CELF1: variants seen among roughly 807,000 people sequenced by gnomAD.
The protein encoded by CELF1 is CUGBP Elav-like family member 1.
Under a neutral mutation model 61.8 loss-of-function variants are expected in CELF1, and 10 were observed. That is an observed-to-expected ratio of 0.16 (90% CI 0.10 to 0.27). The LOEUF (loss-of-function observed/expected upper bound fraction) is 0.27. CELF1 is among the 10% of genes least tolerant of loss of function. CELF1 has a pLI of 1.00. For missense variants in CELF1, 380 were observed against 639.1 expected (o/e 0.59, Z 4.37); for synonymous variants, 236 against 225.1 (o/e 1.05, Z -0.43).
chr11:47,489,096 T>C lies in CELF1; in HGVS notation c.72-72A>G, dbSNP rs138507110. ...CCAGAGGAAATTTTCTTTTCTTTAA[T>C]GATCTTAACTAGTTCTGAGAACGTA... is the stretch of plus-strand genomic sequence containing the variant. On this transcript the variant is annotated intron_variant, in intron 3 of 14. Coordinates refer to ENST00000687097, the MANE Select transcript of CELF1 (RefSeq NM_001376376.1). 8.2e-4 allele frequency: 1,041 copies of C among 1,262,508 alleles called. 5 individuals carry two copies. The highest frequency in any genetic ancestry group is 3.9e-4 in the Non-Finnish European group (371 of 951,720). 78.2% of individuals were successfully genotyped at this position (1,262,508 alleles called of 1,614,324 possible).
At chr11:47,512,190 T>G (rs1052632410) in intron 1 of CELF1, among the ~76,000 whole-genome samples, 8 of 151,974 alleles carry the variant, frequency 5.3e-5, no homozygotes, top group African/African-American at 1.9e-4. Context: ...TCCCGCTCTG[T>G]TTCCCAGGCT....
intron 1 of CELF1, among the ~76,000 whole-genome samples, chr11:47,528,832 A>G (rs898176805): frequency 6.6e-6 from 1 of 151,760 alleles, no homozygotes; most frequent in African/African-American, 2.4e-5. Context: ...TCAAGGCTGC[A>G]GTGAGCTATG....
intron 1 of CELF1, among the ~76,000 whole-genome samples, chr11:47,515,912 T>C (rs1030356326): frequency 5.9e-5 from 9 of 151,956 alleles, no homozygotes; most frequent in Non-Finnish European, 1.2e-4. Context: ...CCTCTCTTTA[T>C]TATTTACTTA....
At chr11:47,562,314 C>T (rs1323843459) in intron 2 of CELF1, among the ~76,000 whole-genome samples, 2 of 151,372 alleles carry the variant, frequency 1.3e-5, no homozygotes, top group African/African-American at 4.9e-5. Context: ...TCGCTTGAGT[C>T]CAGGAGTTCG....
rs760769305 is a variant in CELF1, at chr11:47,472,228, G to A, written c.*2C>T. On this transcript the variant is annotated 3_prime_UTR_variant, in exon 15 of 15. Coordinates refer to ENST00000687097, the MANE Select transcript of CELF1 (RefSeq NM_001376376.1). ...TCACTCCAGTCTCAGAGGGGAGCAC[G>A]CTCAGTAGGGCTTGCTGTCATTCTT... 2.1e-5 allele frequency: 34 copies of A among 1,613,592 alleles called. 1 individual carries two copies. The highest frequency in any genetic ancestry group is 4.4e-5 in the South Asian group (4 of 91,070).
At chr11:47,550,522 G>C (rs1021962346) in intron 1 of CELF1, among the ~76,000 whole-genome samples, 3 of 152,078 alleles carry the variant, frequency 2.0e-5, no homozygotes, top group Non-Finnish European at 4.4e-5. Context: ...GCGGGGTTGG[G>C]GGGGACCGGA....
At chr11:47,478,733 G>A in intron 10 of CELF1, 144 bp downstream of exon 10, 1 of 619,340 alleles carries the variant, frequency 1.6e-6, no homozygotes, top group South Asian at 1.7e-5. Context: ...AGAAAATTGA[G>A]TCCTGGGATG....
chr11:47,494,752 C>A (rs1342816391), intron 3 of CELF1, among the ~76,000 whole-genome samples: 1 of 152,298 alleles, frequency 6.6e-6, no homozygotes, highest in South Asian at 2.1e-4. Context: ...AAAACAAAAA[C>A]GGGCCTGGCC....
intron 3 of CELF1, 109 bp from the exon 4 acceptor site, chr11:47,489,133 A>G: frequency 1.0e-6 from 1 of 967,412 alleles, no homozygotes; most frequent in East Asian, 3.1e-5. Flanking sequence ...GGGAAAAAAA[A>G]TCTACTTCTT....
chr11:47,548,292 C>G (rs2097033067), intron 1 of CELF1, among the ~76,000 whole-genome samples: 1 of 151,536 alleles, frequency 6.6e-6, no homozygotes, highest in Non-Finnish European at 1.5e-5. Flanking sequence ...GAGTGAGACT[C>G]CGTCTCAAAA....
At chr11:47,556,218 T>G (rs1206703617), upstream of CELF1, among the ~76,000 whole-genome samples, 2 of 152,218 alleles carry the variant, frequency 1.3e-5, no homozygotes, top group Non-Finnish European at 2.9e-5. Context: ...AGGGTCTTGC[T>G]CTGTCACCCA....
intron 3 of CELF1, among the ~76,000 whole-genome samples, chr11:47,489,932 C>CTTTTTTTTTTTTTTT (rs530410346): frequency 7.7e-4 from 18 of 23,436 alleles, no homozygotes; most frequent in Admixed American, 1.9e-3. Flanking sequence ...AACATACCAT[C>CTTTTTTTTTTTTTTT]TTGTTTTTTT....
chr11:47,504,902 C>CAAAAAAAAAAAAAAAAAAAA (rs374401044), intron 1 of CELF1, among the ~76,000 whole-genome samples: 48 of 107,906 alleles, frequency 4.4e-4, no homozygotes, highest in Non-Finnish European at 6.3e-4. Context: ...ACTCTGTCAC[C>CAAAAAAAAAAAAAAAAAAAA]AAAAAAAAAA....
rs116554067 is a variant in CELF1, at chr11:47,526,347, G to A, written c.-153-25415C>T. ...AGGAAGAAAAAAAGAAGGCACCTGC[G>A]ATATCTTAAATGTGAAGAATACAGA... On this transcript the variant is annotated intron_variant, in intron 1 of 14. Coordinates refer to ENST00000687097, the MANE Select transcript of CELF1 (RefSeq NM_001376376.1). 1.6e-3 allele frequency among the ~76,000 whole-genome samples: 250 copies of A among 152,212 alleles called. 3 individuals are homozygous for A. Among genetic ancestry groups the A allele is most frequent in the African/African-American group, 5.6e-3 (234 of 41,544 alleles).
intron 1 of CELF1, among the ~76,000 whole-genome samples, chr11:47,552,221 C>A (rs1207067754): frequency 6.6e-6 from 1 of 152,164 alleles, no homozygotes; most frequent in Non-Finnish European, 1.5e-5. Context: ...CCACATTCCC[C>A]TCAACTATGG....
intron 1 of CELF1, among the ~76,000 whole-genome samples, chr11:47,552,745 G>A (rs764996648): frequency 3.3e-4 from 50 of 152,286 alleles, no homozygotes; most frequent in South Asian, 1.4e-3. Flanking sequence ...CCACGAGGAG[G>A]GCGGGTCTCC....
chr11:47,518,975 C>A (rs1187183194), intron 1 of CELF1, among the ~76,000 whole-genome samples: 1 of 152,148 alleles, frequency 6.6e-6, no homozygotes, highest in East Asian at 1.9e-4. Context: ...AAGCAGGAAA[C>A]TTTATTTTCT....
Position 47,487,147 on chromosome 11 carries a change from G to T in CELF1, c.342+12C>A. 1 of 1,595,914 alleles carries T rather than the reference G, an allele frequency of 6.3e-7. No individual in the cohort carries two copies. Among genetic ancestry groups the T allele is most frequent in the Non-Finnish European group, 8.6e-7 (1 of 1,167,274 alleles). ...TTACCACATTTCCATTTACTAGTGG[G>T]AGCTTTCTTACCCCTGGGAGGACTT... On this transcript the variant is annotated intron_variant, in intron 5 of 14. Coordinates refer to ENST00000687097, the MANE Select transcript of CELF1 (RefSeq NM_001376376.1).
At chr11:47,532,828 A>T (rs2096523611) in intron 1 of CELF1, among the ~76,000 whole-genome samples, 1 of 152,190 alleles carries the variant, frequency 6.6e-6, no homozygotes, top group Non-Finnish European at 1.5e-5. Context: ...TACCATAATT[A>T]GGCAGCTTTT....
Sources: gnomAD v4.1 joint callset for allele counts (sites outside exome capture counted in the v4.1 genomes callset) on GRCh38, gnomAD v4.1.1 for gene constraint, MANE v1.5 for transcripts, NCBI Gene and HGNC (gene_info 2026-07-23, HGNC 2026-07-21) for gene names.